The following MTRR variants were observed in gnomAD, a reference collection of about 807,000 sequenced individuals.
MTRR encodes the protein methionine synthase reductase.
Under a neutral mutation model 79.2 loss-of-function variants are expected in MTRR, and 63 were observed. The ratio of observed to expected loss-of-function variants is 0.80; its 90% CI spans 0.65 to 0.98. The LOEUF is 0.98. MTRR is among the 50% of genes least tolerant of loss of function. MTRR has a pLI of 0.00. For synonymous variants in MTRR, 355 were observed against 313.3 expected, an observed-to-expected ratio of 1.13 and a Z score of -1.41; for missense variants, 895 against 839.6, an observed-to-expected ratio of 1.07 and a Z score of -0.82.
chr5:7,869,128 C>T (rs1367063217), upstream of MTRR: 3 of 1,613,396 alleles, frequency 1.9e-6, no homozygotes, highest in African/African-American at 4.0e-5. Flanking sequence ...GTCCTGGGTA[C>T]CGAGCATGGG....
chr5:7,869,204 G>GGCGCGGCGTGGGT lies in MTRR; in HGVS notation c.-36_-26+2dup. ...GCGTTGTGCAGGTTCGTGCCCGGCTGGCGCGGCGTGGGTAAGCTGCCTGTC... is the reference window on the plus strand; with the variant it reads ...GCGTTGTGCAGGTTCGTGCCCGGCTGGCGCGGCGTGGGTGCGCGGCGTGGGTAAGCTGCCTGTC... On this transcript the variant is annotated 5_prime_UTR_variant, in exon 1 of 15. Coordinates refer to ENST00000440940, the MANE Select transcript of MTRR (RefSeq NM_002454.3). 6.2e-7 allele frequency: 1 copy of GGCGCGGCGTGGGT among 1,608,232 alleles called. No homozygotes were observed.
rs747255318 is a variant in MTRR, at chr5:7,896,861, T to TA, written c.1677-2dup. The TA allele has an allele frequency of 6.3e-5, 102 of 1,613,812 alleles. No individual in the cohort carries two copies. In the Admixed American group the frequency reaches 7.5e-4, roughly 12 times the overall value. On this transcript the variant is annotated splice_polypyrimidine_tract_variant and splice_region_variant and intron_variant, in intron 12 of 14. Coordinates refer to ENST00000440940, the MANE Select transcript of MTRR (RefSeq NM_002454.3). ...CACCTAAACTTTTTTTTTTTCCACTTAGAGAGAAACTCCAAGAACAACACC... is the reference window on the plus strand; with the variant it reads ...CACCTAAACTTTTTTTTTTTCCACTTAAGAGAGAAACTCCAAGAACAACACC...
chr5:7,880,987 A>G (rs943547749), intron 5 of MTRR, among the ~76,000 whole-genome samples: 10 of 152,122 alleles, frequency 6.6e-5, no homozygotes, highest in Non-Finnish European at 1.5e-4. Flanking sequence ...TACAGTTTCT[A>G]TAGTGTCTCA....
intron 1 of MTRR, among the ~76,000 whole-genome samples, chr5:7,853,334 G>A (rs1746130853): frequency 6.6e-6 from 1 of 152,116 alleles, no homozygotes; most frequent in Non-Finnish European, 1.5e-5. Context: ...TTTCTGCCGT[G>A]ATTGTAAGTT....
chr5:7,869,094 G>C (rs770803714), upstream of MTRR: 15 of 1,609,128 alleles, frequency 9.3e-6, no homozygotes, highest in Non-Finnish European at 1.3e-5. Flanking sequence ...GATTGGCCCA[G>C]GTCCCCTTCG....
chr5:7,861,761 A>G, intron 1 of MTRR: 4 of 1,479,370 alleles, frequency 2.7e-6, no homozygotes, highest in Non-Finnish European at 3.6e-6. Context: ...GCATTGATCA[A>G]TTGGACTGAA....
intron 1 of MTRR, among the ~76,000 whole-genome samples, chr5:7,852,880 G>C (rs576594284): frequency 4.6e-5 from 7 of 152,240 alleles, no homozygotes; most frequent in African/African-American, 7.2e-5. Flanking sequence ...TTTGGAAAGT[G>C]AAAGTACTTG....
intron 2 of MTRR, among the ~76,000 whole-genome samples, 198 bp from the exon 3 acceptor site, chr5:7,873,175 G>A (rs996059933): frequency 9.9e-5 from 15 of 152,186 alleles, no homozygotes; most frequent in African/African-American, 3.6e-4. Context: ...CAGACGCATG[G>A]TTTCCTTGAA....
At chr5:7,872,400 A>T (rs961435532) in intron 2 of MTRR, 2 of 315,540 alleles carry the variant, frequency 6.3e-6, no homozygotes, top group African/African-American at 4.4e-5. Flanking sequence ...CTCAGCTTAT[A>T]GCTAATGATA....
In MTRR at chr5:7,900,857, C is replaced by G. The variant is rs1334554082; in HGVS notation, c.*799C>G. The G allele has an allele frequency of 7.1e-6, 1 of 140,936 alleles. No individual in the cohort carries two copies. The highest frequency in any genetic ancestry group is 2.6e-5 in the African/African-American group (1 of 38,628). 8.7% of individuals were successfully genotyped at this position (140,936 alleles called of 1,614,324 possible). On this transcript the variant is annotated 3_prime_UTR_variant, in exon 15 of 15. Coordinates refer to ENST00000440940, the MANE Select transcript of MTRR (RefSeq NM_002454.3). ...TGCTTGGCACATTTTTGAGTTTTCC[C>G]ACATTATTTGTCTCCATGATACCAC...
intron 1 of MTRR, among the ~76,000 whole-genome samples, chr5:7,856,311 A>G (rs1298285941): frequency 6.6e-6 from 1 of 152,180 alleles, no homozygotes; most frequent in Non-Finnish European, 1.5e-5. Flanking sequence ...TCAAACAACA[A>G]AGGCTTTAGA....
intron 6 of MTRR, among the ~76,000 whole-genome samples, chr5:7,884,139 G>T (rs565920375): frequency 3.9e-4 from 60 of 152,224 alleles, no homozygotes; most frequent in African/African-American, 1.3e-3. Context: ...ACTCCAGCCT[G>T]GGTGACAGAG....
chr5:7,864,840 A>T (rs1384247924), upstream of MTRR, among the ~76,000 whole-genome samples: 1 of 146,340 alleles, frequency 6.8e-6, no homozygotes, highest in African/African-American at 2.8e-5. Context: ...ATCCATCAAA[A>T]ATTAATCCAC....
intron 1 of MTRR, among the ~76,000 whole-genome samples, chr5:7,858,803 C>T (rs1303354086): frequency 6.6e-6 from 1 of 151,920 alleles, no homozygotes; most frequent in Non-Finnish European, 1.5e-5. Flanking sequence ...GCAATGAAGG[C>T]TCTGCAATGA....
At chr5:7,870,174 C>T (rs1035800059) in intron 1 of MTRR, 2 of 589,922 alleles carry the variant, frequency 3.4e-6, no homozygotes, top group African/African-American at 2.0e-5. Flanking sequence ...TATGCCCATA[C>T]ACTCACATAT....
intron 5 of MTRR, among the ~76,000 whole-genome samples, chr5:7,882,182 A>C (rs748064215): frequency 5.3e-5 from 8 of 152,358 alleles, no homozygotes; most frequent in South Asian, 4.1e-4. Context: ...GGCCTCAGCC[A>C]ATCCCACAGG....
Position 7,895,864 on chromosome 5 carries a change from T to C in MTRR, c.1676+12T>C. 1 of 1,614,056 alleles carries C rather than the reference T, an allele frequency of 6.2e-7. No individual in the cohort carries two copies. ...TTCCTACAACATAGGTATGTTCTTTTTTTGGCTAATGGGAAAATGTATTCC... is the reference window on the plus strand; with the variant it reads ...TTCCTACAACATAGGTATGTTCTTTCTTTGGCTAATGGGAAAATGTATTCC... On this transcript the variant is annotated intron_variant, in intron 12 of 14. Coordinates refer to ENST00000440940, the MANE Select transcript of MTRR (RefSeq NM_002454.3).
chr5:7,882,032 A>C (rs764070659), intron 5 of MTRR, among the ~76,000 whole-genome samples: 3 of 152,106 alleles, frequency 2.0e-5, no homozygotes, highest in Non-Finnish European at 4.4e-5. Context: ...CCTGGCACTG[A>C]CTGTCACAGG....
intron 1 of MTRR, among the ~76,000 whole-genome samples, chr5:7,852,756 C>A (rs1484523044): frequency 6.6e-6 from 1 of 150,978 alleles, no homozygotes; most frequent in Non-Finnish European, 1.5e-5. Flanking sequence ...TTTTTTTAAG[C>A]CCTTATAATC....
Sources: allele counts gnomAD v4.1 joint callset (sites outside exome capture counted in the v4.1 genomes callset), GRCh38; gene constraint gnomAD v4.1.1; transcripts MANE v1.5; gene names NCBI Gene and HGNC (gene_info 2026-07-23, HGNC 2026-07-21).